TDRD1: variants seen among roughly 807,000 people sequenced by gnomAD.
TDRD1 encodes the protein tudor domain containing 1, also known as tudor domain-containing protein 1.
TDRD1 carries 37 observed loss-of-function variants against 140.6 expected under a neutral mutation model. The ratio of observed to expected loss-of-function variants is 0.26; its 90% CI spans 0.20 to 0.35. The LOEUF (loss-of-function observed/expected upper bound fraction) is 0.35. TDRD1 is among the 10% of genes least tolerant of loss of function. The pLI is 1.00. For synonymous variants in TDRD1, 506 were observed against 475.7 expected (o/e 1.06, Z -0.83); for missense variants, 1,243 against 1,393.0 (o/e 0.89, Z 1.71).
chr10:114,199,251 C>G (rs1476693702), exon 4 of TDRD1: 8 of 1,614,040 alleles, frequency 5.0e-6, no homozygotes, highest in Non-Finnish European at 6.8e-6. Flanking sequence ...CATAAGTAAT[C>G]CAGGGCTCTT....
chr10:114,193,289 C>CTTT (rs1170053036), intron 3 of TDRD1, among the ~76,000 whole-genome samples: 853 of 83,594 alleles, frequency 0.01, 29 homozygotes, highest in African/African-American at 0.035. Flanking sequence ...TTGCTGAAGT[C>CTTT]TTTTTTTTTT....
At chr10:114,203,367 C>CTT in intron 7 of TDRD1, 21 bp from the exon 8 acceptor site, 1 of 1,550,112 alleles carries the variant, frequency 6.5e-7, no homozygotes, top group South Asian at 1.2e-5. Context: ...AATTATTCCT[C>CTT]TTTTTTTTTA....
intron 3 of TDRD1, among the ~76,000 whole-genome samples, chr10:114,196,833 CTTTTTTTTTTTTTTTTTTTTTT>C (rs36124319): frequency 2.1e-5 from 1 of 48,326 alleles, no homozygotes; most frequent in African/African-American, 9.4e-5. Flanking sequence ...TTCTAGCAGT[CTTTTTTTTTTTTTTTTTTTTTT>C]TTTTTTTTGA....
intron 2 of TDRD1, 45 bp from the exon 3 acceptor site, chr10:114,190,916 A>C: frequency 6.3e-7 from 1 of 1,580,162 alleles, no homozygotes; most frequent in Non-Finnish European, 8.7e-7. Context: ...TAGCAATAAA[A>C]AGTATTATTT....
At chr10:114,182,691 T>A (rs2033175986) in intron 1 of TDRD1, among the ~76,000 whole-genome samples, 1 of 57,930 alleles carries the variant, frequency 1.7e-5, no homozygotes, top group East Asian at 2.7e-4. Flanking sequence ...TACGAATATC[T>A]TTTTTTTTTT....
downstream of TDRD1, among the ~76,000 whole-genome samples, chr10:114,232,504 C>CTTTTTTTTTTTT (rs140805425): frequency 8.7e-4 from 71 of 81,690 alleles, no homozygotes; most frequent in East Asian, 1.4e-3. Flanking sequence ...ACTTGAAAGA[C>CTTTTTTTTTTTT]TTTTTTTTTT....
chr10:114,175,483 T>TG (rs1240828349), upstream of TDRD1, among the ~76,000 whole-genome samples: 1 of 151,828 alleles, frequency 6.6e-6, no homozygotes, highest in Non-Finnish European at 1.5e-5. Context: ...ATTTTTTTCG[T>TG]GAAAAAAAAG....
At chr10:114,214,155 T>A in intron 16 of TDRD1, 41 bp downstream of exon 16, 2 of 1,576,482 alleles carry the variant, frequency 1.3e-6, no homozygotes, top group Non-Finnish European at 1.7e-6. Flanking sequence ...TACAAATACA[T>A]TGGCATAGAT....
At chr10:114,229,547 C>CTTTTT (rs34051507) in intron 25 of TDRD1, among the ~76,000 whole-genome samples, 2 of 126,246 alleles carry the variant, frequency 1.6e-5, no homozygotes, top group Middle Eastern at 3.9e-3. Context: ...ATCTTTTAAT[C>CTTTTT]TTTTTTTTTT....
At chr10:114,176,728 T>G (rs549565740), upstream of TDRD1, among the ~76,000 whole-genome samples, 1 of 152,308 alleles carries the variant, frequency 6.6e-6, no homozygotes, top group Non-Finnish European at 1.5e-5. The surrounding 1 kb of genome is among the most constrained non-coding windows in gnomAD (Gnocchi z 4.2). Flanking sequence ...GAACTATGAC[T>G]GTGCCACTGC....
intron 1 of TDRD1, among the ~76,000 whole-genome samples, chr10:114,187,190 A>G (rs951537586): frequency 2.6e-5 from 4 of 152,210 alleles, no homozygotes; most frequent in African/African-American, 9.6e-5. Context: ...AGAAAGATGC[A>G]TAGATAGGTC....
intron 3 of TDRD1, among the ~76,000 whole-genome samples, chr10:114,198,279 G>A (rs1011819895): frequency 6.6e-6 from 1 of 152,170 alleles, no homozygotes; most frequent in African/African-American, 2.4e-5. Context: ...GGAAAGTCTG[G>A]ACTCTCCACT....
chr10:114,210,724 T>G, exon 12 of TDRD1: 1 of 1,611,050 alleles, frequency 6.2e-7, no homozygotes, highest in Non-Finnish European at 8.5e-7. Context: ...AGAAGACTTC[T>G]TTTGTCAACA....
rs748441312 is a variant in TDRD1, at chr10:114,187,990, C to G, written c.159C>G (p.Phe53Leu). 7.4e-6 allele frequency: 12 copies of G among 1,614,062 alleles called. No homozygotes were observed. The East Asian group carries it at 1.3e-4, about 18-fold the overall frequency. The change falls in exon 2 of 26, where the codon TTC (phenylalanine) becomes TTG (leucine). Residue 53 changes from phenylalanine (F) to leucine (L), a missense_variant. Transcript: ENST00000251864. ...GAACACTTCCTAACCACCCTAATTT[C>G]AGGCTGAAAAGCTCAGAGAATGGAA...
At chr10:114,201,632 A>G (rs548722584) in intron 5 of TDRD1, 117 bp downstream of exon 5, 87 of 737,432 alleles carry the variant, frequency 1.2e-4, no homozygotes, top group East Asian at 5.4e-5. Flanking sequence ...CTTAAGCTCT[A>G]TAACAAAGTG....
At chr10:114,217,312 G>A (rs918290406) in intron 16 of TDRD1, among the ~76,000 whole-genome samples, 4 of 152,046 alleles carry the variant, frequency 2.6e-5, no homozygotes, top group African/African-American at 7.2e-5. Context: ...TGCTGTAATT[G>A]TTTCTTTTTG....
chr10:114,177,782 T>C (rs529642582), upstream of TDRD1, among the ~76,000 whole-genome samples: 18 of 152,230 alleles, frequency 1.2e-4, no homozygotes, highest in Non-Finnish European at 1.9e-4. Flanking sequence ...GGGGAAACGA[T>C]GTGGCTTCTG....
chr10:114,226,809 G>C (rs749018847), intron 22 of TDRD1, among the ~76,000 whole-genome samples: 3 of 152,074 alleles, frequency 2.0e-5, no homozygotes, highest in Non-Finnish European at 4.4e-5. Flanking sequence ...AATTATCTTT[G>C]TTTCTCCTGT....
chr10:114,208,110 G>T (rs1903890), intron 11 of TDRD1, among the ~76,000 whole-genome samples: 71,092 of 151,760 alleles, frequency 0.47, 17,649 homozygotes, highest in African/African-American at 0.64. Flanking sequence ...AAAAGCATGA[G>T]CAGGCCTGAG....
Sources: gnomAD v4.1 joint callset for allele counts (sites outside exome capture counted in the v4.1 genomes callset) on GRCh38, gnomAD v4.1.1 for gene constraint, Gnocchi (gnomAD v3.1) non-coding constraint, MANE v1.5 for transcripts, NCBI Gene and HGNC (gene_info 2026-07-23, HGNC 2026-07-21) for gene names.